The following PLD5 variants were observed in gnomAD, a reference collection of about 807,000 sequenced individuals.
The protein encoded by PLD5 is phospholipase D family member 5.
A neutral mutation model predicts 61.1 loss-of-function variants in PLD5; 36 were observed. The ratio of observed to expected loss-of-function variants is 0.59; its 90% confidence interval spans 0.45 to 0.78. PLD5 has a LOEUF of 0.78. Among genes scored for constraint, PLD5 ranks in the 30% least tolerant of loss-of-function variants. PLD5 has a pLI of 0.00. For missense variants in PLD5, 515 were observed against 644.4 expected (o/e 0.80, Z 2.17); for synonymous variants, 243 against 242.8 (o/e 1.00, Z -0.01).
intron 1 of PLD5, among the ~76,000 whole-genome samples, chr1:242,406,298 A>G (rs1572083856): frequency 6.6e-6 from 1 of 152,328 alleles, no homozygotes; most frequent in East Asian, 1.9e-4. Flanking sequence ...GCAAGGAATG[A>G]GAAAATGAAC....
chr1:242,184,473 A>C (rs1438619667), intron 5 of PLD5, among the ~76,000 whole-genome samples: 1 of 152,096 alleles, frequency 6.6e-6, no homozygotes, highest in African/African-American at 2.4e-5. Context: ...GGTTCAAGCA[A>C]TTCTTGTGCC....
intron 5 of PLD5, among the ~76,000 whole-genome samples, chr1:242,183,808 T>C (rs1410047304): frequency 1.3e-5 from 2 of 152,020 alleles, no homozygotes; most frequent in Non-Finnish European, 2.9e-5. Context: ...GGCAGTAGAA[T>C]GGCGTGAACC....
At chr1:242,346,398 T>C (rs1480642495) in intron 2 of PLD5, among the ~76,000 whole-genome samples, 1 of 152,160 alleles carries the variant, frequency 6.6e-6, no homozygotes, top group East Asian at 1.9e-4. Context: ...CTTCTAGGTG[T>C]TCGAGTTTGC....
intron 2 of PLD5, among the ~76,000 whole-genome samples, chr1:242,309,394 T>G (rs2149171707): frequency 6.6e-6 from 1 of 151,636 alleles, no homozygotes; most frequent in East Asian, 1.9e-4. Context: ...TTTTCTTTTT[T>G]TTTTTTTTTT....
At chr1:242,093,165 G>A (rs941147077) in intron 9 of PLD5, among the ~76,000 whole-genome samples, 1 of 152,152 alleles carries the variant, frequency 6.6e-6, no homozygotes, top group Admixed American at 6.5e-5. Context: ...CCAAGGTGGC[G>A]TTCCTGATCG....
At position 242,433,338 on chromosome 1, in the gene PLD5, T is replaced by A. The variant is rs527380280; in HGVS notation, c.190-85096A>T. On this transcript the variant is annotated intron_variant, in intron 1 of 9. Coordinates refer to ENST00000536534, the MANE Select transcript of PLD5 (RefSeq NM_001372062.1). ...TGTCTCTGTCTCACCCTTGAAAGAATTCTCCTCTCAGGACAGCCATTCCTG... is the reference window on the plus strand; with the variant it reads ...TGTCTCTGTCTCACCCTTGAAAGAAATCTCCTCTCAGGACAGCCATTCCTG... Among the ~76,000 whole-genome samples, 3 of 152,332 alleles carry A rather than the reference T, an allele frequency of 2.0e-5. 1 individual carries two copies. In the South Asian group the frequency reaches 6.2e-4, roughly 32 times the overall value.
At position 242,153,884 on chromosome 1, in the gene PLD5, GT is replaced by G. The variant is rs1024463516; in HGVS notation, c.736-29220del. On this transcript the variant is annotated intron_variant, in intron 5 of 9. Transcript: ENST00000536534. ...GTTTAAAGTAGTTTTTTCCAATTTG[GT>G]GAAGAAAGTCAAGATTGATGGGGAT... Among the ~76,000 whole-genome samples the G allele has an allele frequency of 4.0e-4, 61 of 152,188 alleles. 1 individual carries two copies. Among genetic ancestry groups the G allele is most frequent in the African/African-American group, 1.4e-3 (58 of 41,520 alleles).
chr1:242,157,402 T>G (rs1008443958), intron 5 of PLD5, among the ~76,000 whole-genome samples: 1 of 152,184 alleles, frequency 6.6e-6, no homozygotes, highest in Non-Finnish European at 1.5e-5. Flanking sequence ...CCTTGCTGTT[T>G]AGGAGTTGTG....
At chr1:242,476,771 AT>A (rs1003493367) in intron 1 of PLD5, among the ~76,000 whole-genome samples, 4 of 151,914 alleles carry the variant, frequency 2.6e-5, no homozygotes, top group African/African-American at 9.7e-5. Flanking sequence ...CCCCAGGTTT[AT>A]TTTTTTTCAT....
chr1:242,375,770 A>G (rs6694290), intron 1 of PLD5, among the ~76,000 whole-genome samples: 124,345 of 152,120 alleles, frequency 0.82, 51,253 homozygotes, highest in South Asian at 0.88. Context: ...AACTACCAAC[A>G]TTAAATATAC....
intron 1 of PLD5, among the ~76,000 whole-genome samples, chr1:242,519,136 C>G (rs1669197411): frequency 6.6e-6 from 1 of 152,226 alleles, no homozygotes; most frequent in Non-Finnish European, 1.5e-5. Flanking sequence ...TTTAAAGATT[C>G]ATTCCCTTAG....
intron 1 of PLD5, among the ~76,000 whole-genome samples, chr1:242,515,941 A>C (rs2103006850): frequency 6.6e-6 from 1 of 152,274 alleles, no homozygotes; most frequent in East Asian, 1.9e-4. Context: ...GATGCTCCCC[A>C]TTTTCATCAA....
intron 1 of PLD5, among the ~76,000 whole-genome samples, chr1:242,511,014 T>C (rs1668891505): frequency 6.6e-6 from 1 of 152,056 alleles, no homozygotes. Flanking sequence ...TATGAGAAAA[T>C]ATCTTTAAGA....
At chr1:242,255,544 A>T (rs1251599374) in intron 4 of PLD5, among the ~76,000 whole-genome samples, 2 of 152,266 alleles carry the variant, frequency 1.3e-5, no homozygotes, top group Non-Finnish European at 2.9e-5. Context: ...ATGTGTATAC[A>T]TATGTAAATA....
chr1:242,475,392 CA>C (rs374562936), intron 1 of PLD5, among the ~76,000 whole-genome samples: 1 of 120,686 alleles, frequency 8.3e-6, no homozygotes. Context: ...CACTGCACTC[CA>C]GCCTGGGCGA....
chr1:242,527,370 A>T (rs565892080), upstream of PLD5, among the ~76,000 whole-genome samples: 170 of 152,046 alleles, frequency 1.1e-3, no homozygotes, highest in Non-Finnish European at 2.2e-3. Context: ...TCCTGACCTC[A>T]AGTGACCTGC....
chr1:242,287,757 A>G (rs1045519047), intron 3 of PLD5, among the ~76,000 whole-genome samples: 17 of 152,244 alleles, frequency 1.1e-4, no homozygotes, highest in Admixed American at 1.0e-3. Context: ...TCTTACACCC[A>G]GAGCATTTTA....
In PLD5 at chr1:242,520,825, G is replaced by A. The variant is rs75565186; in HGVS notation, c.189+3263C>T. 4.5e-4 allele frequency among the ~76,000 whole-genome samples: 69 copies of A among 152,250 alleles called. No homozygotes were observed. The East Asian group carries it at 0.013, about 28-fold the overall frequency. On this transcript the variant is annotated intron_variant, in intron 1 of 9. Coordinates refer to ENST00000536534, the MANE Select transcript of PLD5 (RefSeq NM_001372062.1). ...GCCCTAGGGAGGCTGCAAGAGCAGG[G>A]GTGGATTAGAGGGTTTGGAAGTAGT...
At chr1:242,225,997 C>T (rs768948839) in intron 4 of PLD5, among the ~76,000 whole-genome samples, 13 of 152,174 alleles carry the variant, frequency 8.5e-5, no homozygotes, top group Non-Finnish European at 1.8e-4. Flanking sequence ...TTCCCACCAG[C>T]AATATCTGTT....
Sources: gnomAD v4.1 joint callset for allele counts (sites outside exome capture counted in the v4.1 genomes callset) on GRCh38, gnomAD v4.1.1 for gene constraint, MANE v1.5 for transcripts, NCBI Gene and HGNC (gene_info 2026-07-23, HGNC 2026-07-21) for gene names.